The following L3MBTL4 variants were observed in gnomAD, a reference collection of about 807,000 sequenced individuals.
L3MBTL4 encodes lethal(3)malignant brain tumor-like protein 4.
Under a neutral mutation model 84.5 loss-of-function variants are expected in L3MBTL4, and 70 were observed. The observed-to-expected ratio is 0.83, with a 90% CI of 0.68 to 1.01. The LOEUF (loss-of-function observed/expected upper bound fraction) is 1.01, where lower values mean the gene tolerates loss of function less well. Ranked by LOEUF, L3MBTL4 falls within the 50% of genes least tolerant of loss-of-function variation. The pLI, the probability that L3MBTL4 is intolerant of heterozygous loss-of-function variation, is 0.00. For missense variants in L3MBTL4, 715 were observed against 754.8 expected (o/e 0.95, Z 0.62); for synonymous variants, 274 against 259.8 (o/e 1.05, Z -0.52).
intron 13 of L3MBTL4, among the ~76,000 whole-genome samples, chr18:6,160,435 C>G (rs2043280038): frequency 6.6e-6 from 1 of 152,118 alleles, no homozygotes; most frequent in African/African-American, 2.4e-5. Flanking sequence ...GGAACTCATC[C>G]AAACGCACAG....
At chr18:6,006,995 T>C (rs1158897456) in intron 16 of L3MBTL4, among the ~76,000 whole-genome samples, 6 of 151,982 alleles carry the variant, frequency 3.9e-5, no homozygotes, top group Admixed American at 2.6e-4. Flanking sequence ...TAAAAAAAGT[T>C]GAAGAAAATA....
At chr18:6,074,638 G>T (rs2146029471) in intron 16 of L3MBTL4, among the ~76,000 whole-genome samples, 1 of 152,262 alleles carries the variant, frequency 6.6e-6, no homozygotes, top group African/African-American at 2.4e-5. Context: ...ATGTTGTTGG[G>T]GGACTGGTGT....
intron 1 of L3MBTL4, among the ~76,000 whole-genome samples, chr18:6,350,065 T>C (rs1288870793): frequency 6.6e-6 from 1 of 152,196 alleles, no homozygotes; most frequent in Non-Finnish European, 1.5e-5. Context: ...TGCAAAATAA[T>C]GGAGCTGGTC....
intron 3 of L3MBTL4, among the ~76,000 whole-genome samples, chr18:6,309,098 G>A (rs1407911187): frequency 2.6e-5 from 4 of 152,168 alleles, no homozygotes; most frequent in Non-Finnish European, 5.9e-5. Flanking sequence ...TTTGCTTGAT[G>A]TTTCATGTGC....
chr18:6,021,429 C>T (rs1420769236), intron 16 of L3MBTL4, among the ~76,000 whole-genome samples: 2 of 152,064 alleles, frequency 1.3e-5, no homozygotes, highest in Non-Finnish European at 2.9e-5. Context: ...AGAAAAAGGA[C>T]AATGGAAAAA....
intron 4 of L3MBTL4, among the ~76,000 whole-genome samples, chr18:6,271,180 G>T (rs1337115709): frequency 6.6e-6 from 1 of 152,186 alleles, no homozygotes; most frequent in Non-Finnish European, 1.5e-5. Flanking sequence ...GCACACCATG[G>T]TGAATGTGGT....
At chr18:6,151,896 C>A (rs2042913298) in intron 13 of L3MBTL4, among the ~76,000 whole-genome samples, 1 of 152,164 alleles carries the variant, frequency 6.6e-6, no homozygotes, top group Non-Finnish European at 1.5e-5. Context: ...ATTTCTGTTA[C>A]CCCTCAGCCC....
At chr18:6,338,996 A>T (rs1470579062) in intron 1 of L3MBTL4, among the ~76,000 whole-genome samples, 1 of 152,192 alleles carries the variant, frequency 6.6e-6, no homozygotes, top group Non-Finnish European at 1.5e-5. Flanking sequence ...ACAGAATTTC[A>T]AAACATGTAA....
intron 17 of L3MBTL4, 33 bp downstream of exon 17, chr18:5,969,360 C>A (rs1172734801): frequency 6.2e-7 from 1 of 1,612,190 alleles, no homozygotes; most frequent in Admixed American, 1.7e-5. Context: ...AGCAGGCACA[C>A]CCCAGCCCTG....
At chr18:6,092,714 A>G (rs1276179629) in intron 15 of L3MBTL4, among the ~76,000 whole-genome samples, 1 of 152,248 alleles carries the variant, frequency 6.6e-6, no homozygotes, top group African/African-American at 2.4e-5. Flanking sequence ...TGGAGAAAAG[A>G]TGTTATTTAA....
chr18:6,375,948 C>T (rs2054349796), intron 1 of L3MBTL4, among the ~76,000 whole-genome samples: 1 of 152,198 alleles, frequency 6.6e-6, no homozygotes, highest in Admixed American at 6.5e-5. Context: ...TGTCCCAAAA[C>T]ATGTGGCTAC....
At chr18:6,018,745 C>T (rs562682497) in intron 16 of L3MBTL4, among the ~76,000 whole-genome samples, 1 of 152,314 alleles carries the variant, frequency 6.6e-6, no homozygotes, top group South Asian at 2.1e-4. Flanking sequence ...TTTTTAGGAA[C>T]TGTCAAACCA....
At chr18:6,197,292 T>A (rs1271098254) in intron 12 of L3MBTL4, among the ~76,000 whole-genome samples, 1 of 152,140 alleles carries the variant, frequency 6.6e-6, no homozygotes, top group Admixed American at 6.5e-5. Flanking sequence ...GGCCCCAGTG[T>A]GTGTTGTTCC....
At chr18:6,341,851 T>C (rs1442174705) in intron 1 of L3MBTL4, among the ~76,000 whole-genome samples, 1 of 151,514 alleles carries the variant, frequency 6.6e-6, no homozygotes, top group Non-Finnish European at 1.5e-5. Flanking sequence ...TATAATCAAA[T>C]TGTCAAAAAT....
chr18:6,026,130 A>G (rs1231707565), intron 16 of L3MBTL4, among the ~76,000 whole-genome samples: 1 of 152,180 alleles, frequency 6.6e-6, no homozygotes, highest in Admixed American at 6.5e-5. Context: ...GATTCTTTCT[A>G]CAATGAACAT....
Position 6,171,989 on chromosome 18 carries a change from C to T in L3MBTL4, c.982-47G>A, listed in dbSNP as rs767930603. Reference sequence around the variant, plus strand: ...GATTAGCATTTAGTAATTAGGATTTCACTATTCCTGTATCAAAATATTTGA... The same window carrying T: ...GATTAGCATTTAGTAATTAGGATTTTACTATTCCTGTATCAAAATATTTGA... On this transcript the variant is annotated intron_variant, in intron 12 of 18. Coordinates refer to ENST00000317931, the MANE Select transcript of L3MBTL4 (RefSeq NM_001330559.2). The T allele has an allele frequency of 4.5e-6, 4 of 891,462 alleles. No individual in the cohort carries two copies. In the Admixed American group the frequency reaches 9.8e-5, roughly 22 times the overall value. 55.2% of individuals were successfully genotyped at this position (891,462 alleles called of 1,614,324 possible).
intron 1 of L3MBTL4, among the ~76,000 whole-genome samples, chr18:6,312,896 T>C (rs1266245888): frequency 1.3e-5 from 2 of 152,168 alleles, no homozygotes; most frequent in Non-Finnish European, 2.9e-5. Flanking sequence ...CTCCACTCCA[T>C]ACTTCTGCTG....
At chr18:6,172,061 G>A (rs1344615578) in intron 12 of L3MBTL4, 119 bp from the exon 13 acceptor site, 1 of 536,826 alleles carries the variant, frequency 1.9e-6, no homozygotes, top group Non-Finnish European at 3.3e-6. Flanking sequence ...ATCACACCTT[G>A]CAGTTGAAAT....
intron 1 of L3MBTL4, among the ~76,000 whole-genome samples, chr18:6,349,945 C>T (rs1261495117): frequency 6.6e-6 from 1 of 152,058 alleles, no homozygotes; most frequent in African/African-American, 2.4e-5. Context: ...AAATAAAATC[C>T]ACTACACTGT....
Sources: gnomAD v4.1 joint callset for allele counts (sites outside exome capture counted in the v4.1 genomes callset) on GRCh38, gnomAD v4.1.1 for gene constraint, MANE v1.5 for transcripts, NCBI Gene and HGNC (gene_info 2026-07-23, HGNC 2026-07-21) for gene names.